Variants in SLC35D1 observed in about 807,000 individuals in gnomAD.
The protein encoded by SLC35D1 is solute carrier family 35 member D1.
Under a neutral mutation model 46.7 loss-of-function variants are expected in SLC35D1, and 31 were observed. That is an observed-to-expected ratio of 0.66 (90% CI 0.50 to 0.90). The LOEUF (loss-of-function observed/expected upper bound fraction) is 0.90, where lower values mean the gene tolerates loss of function less well. SLC35D1 is among the 40% of genes least tolerant of loss of function. The pLI is 0.00. For synonymous variants in SLC35D1, 195 were observed against 164.6 expected, an observed-to-expected ratio of 1.18 and a Z score of -1.41; for missense variants, 397 against 426.2, an observed-to-expected ratio of 0.93 and a Z score of 0.60.
chr1:67,039,424 C>T (rs899404273), intron 8 of SLC35D1, among the ~76,000 whole-genome samples: 1 of 151,854 alleles, frequency 6.6e-6, no homozygotes, highest in African/African-American at 2.4e-5. Flanking sequence ...ACCCTGTTCC[C>T]ACAATATGCA....
At chr1:66,983,387 C>G in the SLC35D1 span, among the ~76,000 whole-genome samples, 1 of 152,140 alleles carries the variant, frequency 6.6e-6, no homozygotes, top group Non-Finnish European at 1.5e-5. Flanking sequence ...ATATTTTCTT[C>G]TATCAGAATA....
At chr1:67,023,732 C>T (rs932525517) in intron 8 of SLC35D1, among the ~76,000 whole-genome samples, 2 of 151,836 alleles carry the variant, frequency 1.3e-5, no homozygotes, top group Admixed American at 6.6e-5. Flanking sequence ...GTGATCCGCC[C>T]GCCCTAGCTT....
chr1:67,012,398 C>A (rs918905038), intron 10 of SLC35D1, among the ~76,000 whole-genome samples: 8 of 151,966 alleles, frequency 5.3e-5, no homozygotes, highest in Admixed American at 5.2e-4. Flanking sequence ...CTCTTCTATG[C>A]CCTCTCCAAG....
chr1:66,985,426 A>T, the SLC35D1 span: 2 of 982,164 alleles, frequency 2.0e-6, no homozygotes, highest in Non-Finnish European at 2.4e-6. Context: ...CCTGAAAATT[A>T]TGCTAGCATG....
chr1:67,021,234 TTCTA>T (rs772875162), intron 9 of SLC35D1, among the ~76,000 whole-genome samples: 2 of 152,228 alleles, frequency 1.3e-5, no homozygotes, highest in Non-Finnish European at 2.9e-5. Context: ...TTTACTAAAG[TTCTA>T]TCTGTCAAAT....
At chr1:66,984,256 A>G in the SLC35D1 span, among the ~76,000 whole-genome samples, 5 of 152,242 alleles carry the variant, frequency 3.3e-5, no homozygotes, top group African/African-American at 9.6e-5. Flanking sequence ...TTGCTGTCAC[A>G]TATACCTAAT....
the SLC35D1 span, among the ~76,000 whole-genome samples, chr1:66,992,170 A>T: frequency 6.6e-6 from 1 of 152,220 alleles, no homozygotes; most frequent in African/African-American, 2.4e-5. Flanking sequence ...CATGAATTTC[A>T]GGTCAGATTT....
At position 67,000,698 on chromosome 1, in the gene SLC35D1, C is replaced by G. The variant is rs1381618357; in HGVS notation, c.*3642G>C. On this transcript the variant is annotated 3_prime_UTR_variant, in exon 12 of 12. Transcript: ENST00000235345. ...GTTTCATATCCATGTCTCATTTATT[C>G]CGAACTTTTTTCCTCAGGGAGAGAA... The G allele has an allele frequency of 6.6e-6, 1 of 152,178 alleles. No homozygotes were observed. The highest frequency in any genetic ancestry group is 1.5e-5 in the Non-Finnish European group (1 of 68,032). 9.4% of individuals were successfully genotyped at this position (152,178 alleles called of 1,614,324 possible). A position where few individuals can be genotyped will look rare whatever the true frequency, so the allele number is the denominator to read the frequency against.
rs1667342062 is a variant in SLC35D1 at position 67,001,616 on chromosome 1, A to C, written c.*2724T>G. On this transcript the variant is annotated 3_prime_UTR_variant, in exon 12 of 12. Coordinates refer to ENST00000235345, the MANE Select transcript of SLC35D1 (RefSeq NM_015139.3). ...CTCTTTTTCTCCCAGGAGGCAGTTA[A>C]CAGGACAAAGAATTTCTGCCTAGTA... The C allele has an allele frequency of 6.6e-6, 1 of 152,434 alleles. No individual in the cohort carries two copies. Among genetic ancestry groups the C allele is most frequent in the Non-Finnish European group, 1.5e-5 (1 of 68,060 alleles). The allele number at this position is 152,434 out of a possible 1,614,324, so 9.4% of individuals were successfully genotyped here. A position where few individuals can be genotyped will look rare whatever the true frequency, so the allele number is the denominator to read the frequency against.
intron 8 of SLC35D1, among the ~76,000 whole-genome samples, chr1:67,034,083 G>A (rs1042272212): frequency 1.3e-5 from 2 of 152,080 alleles, no homozygotes; most frequent in Non-Finnish European, 2.9e-5. Context: ...ATGCTGTTTT[G>A]GTTACTATAG....
Position 67,000,163 on chromosome 1 carries a change from C to T in SLC35D1, c.*4177G>A, listed in dbSNP as rs1478228131. 3 of 151,074 alleles carry T rather than the reference C, an allele frequency of 2.0e-5. No homozygotes were observed. The highest frequency in any genetic ancestry group is 1.9e-4 in the East Asian group (1 of 5,148). The allele number at this position is 151,074 out of a possible 1,614,324, so 9.4% of individuals were successfully genotyped here. A position where few individuals can be genotyped will look rare whatever the true frequency, so the allele number is the denominator to read the frequency against. On this transcript the variant is annotated 3_prime_UTR_variant, in exon 12 of 12. Transcript: ENST00000235345. ...AGGCGTAATGGCACATGCCTATAGTCGTAGCTACTTAGCAGGCTAAGGCAG... is the reference window on the plus strand; with the variant it reads ...AGGCGTAATGGCACATGCCTATAGTTGTAGCTACTTAGCAGGCTAAGGCAG...
At chr1:66,975,573 T>C in the SLC35D1 span, among the ~76,000 whole-genome samples, 1 of 152,012 alleles carries the variant, frequency 6.6e-6, no homozygotes, top group Non-Finnish European at 1.5e-5. Context: ...ATTTTATTTA[T>C]ATACATCAGC....
intron 8 of SLC35D1, among the ~76,000 whole-genome samples, chr1:67,028,934 C>T (rs926151145): frequency 6.6e-6 from 1 of 152,138 alleles, no homozygotes; most frequent in Non-Finnish European, 1.5e-5. Context: ...CTCTTCTCAT[C>T]CTTTCTTAAC....
At chr1:67,042,412 A>T (rs563319822) in intron 7 of SLC35D1, 84 bp from the exon 8 acceptor site, 8 of 1,090,024 alleles carry the variant, frequency 7.3e-6, no homozygotes, top group Non-Finnish European at 1.1e-5. Context: ...CAAACTACAC[A>T]TAAATACACA....
chr1:67,052,636 C>T, intron 3 of SLC35D1, 135 bp downstream of exon 3: 1 of 800,304 alleles, frequency 1.2e-6, no homozygotes, highest in Non-Finnish European at 2.1e-6. Context: ...TACTTTTATT[C>T]TTTACATTCA....
chr1:66,984,003 C>T, the SLC35D1 span, among the ~76,000 whole-genome samples: 27 of 152,318 alleles, frequency 1.8e-4, 1 homozygote, highest in Middle Eastern at 0.017. Flanking sequence ...GGAATACAGG[C>T]GTGAGCCACT....
chr1:67,015,550 C>T (rs1180551725), intron 10 of SLC35D1, among the ~76,000 whole-genome samples: 1 of 151,918 alleles, frequency 6.6e-6, no homozygotes, highest in Non-Finnish European at 1.5e-5. Flanking sequence ...CCACCATGCT[C>T]AGCCAATTTT....
intron 8 of SLC35D1, among the ~76,000 whole-genome samples, chr1:67,038,267 CTAACT>C (rs1038033108): frequency 1.3e-5 from 2 of 152,284 alleles, no homozygotes; most frequent in Admixed American, 6.5e-5. Flanking sequence ...TCTAAACAGG[CTAACT>C]TAACAGCCTA....
chr1:67,046,787 C>T (rs544156673), intron 7 of SLC35D1, among the ~76,000 whole-genome samples: 1 of 152,288 alleles, frequency 6.6e-6, no homozygotes, highest in South Asian at 2.1e-4. Context: ...CCAGGAAACA[C>T]TGTGTTGCCC....
Sources: allele counts gnomAD v4.1 joint callset (sites outside exome capture counted in the v4.1 genomes callset), GRCh38; gene constraint gnomAD v4.1.1; transcripts MANE v1.5; gene names NCBI Gene and HGNC (gene_info 2026-07-23, HGNC 2026-07-21).